Variants in NDST2 observed in about 807,000 individuals in gnomAD.
The protein encoded by NDST2 is bifunctional heparan sulfate N-deacetylase/N-sulfotransferase 2.
NDST2 carries 32 observed loss-of-function variants against 86.9 expected under a neutral mutation model. That is an observed-to-expected ratio of 0.37 (90% confidence interval 0.28 to 0.49). The LOEUF (loss-of-function observed/expected upper bound fraction) is 0.49. Among genes scored for constraint, NDST2 ranks in the 20% least tolerant of loss-of-function variants. The probability of loss-of-function intolerance (pLI) is 0.97; values close to 1 mark genes in which losing one functional copy is unlikely to be tolerated. For missense variants in NDST2, 950 were observed against 1,146.9 expected (o/e 0.83, Z 2.48); for synonymous variants, 409 against 437.0 (o/e 0.94, Z 0.80).
In NDST2 at chr10:73,802,450, A is replaced by G; in HGVS notation, c.*1T>C. ...TTTTGCTGGTATGGGAGGCTGGGAC[A>G]TCAGCCCAGACTGGAATGCTGCAGT... On this transcript the variant is annotated 3_prime_UTR_variant, in exon 15 of 15. Coordinates refer to ENST00000309979, the MANE Select transcript of NDST2 (RefSeq NM_003635.4). 1 of 1,612,598 alleles carries G rather than the reference A, an allele frequency of 6.2e-7. No homozygotes were observed. Among genetic ancestry groups the G allele is most frequent in the Non-Finnish European group, 8.5e-7 (1 of 1,180,022 alleles).
In NDST2 at chr10:73,802,351, G is replaced by A; in HGVS notation, c.*100C>T. 7.4e-7 allele frequency: 1 copy of A among 1,355,290 alleles called. No homozygotes were observed. Among genetic ancestry groups the A allele is most frequent in the Non-Finnish European group, 1.0e-6 (1 of 975,622 alleles). The allele number at this position is 1,355,290 out of a possible 1,614,324, so 84.0% of individuals were successfully genotyped here. ...AGGCCTGGGGGCTACTGAGGTAGAG[G>A]GGGAGGGGCCAGGCCACTCTAATCC... On this transcript the variant is annotated 3_prime_UTR_variant, in exon 15 of 15. Transcript: ENST00000309979.
chr10:73,803,842 G>C (rs74666201), intron 10 of NDST2, 51 bp downstream of exon 10: 38,837 of 1,613,870 alleles, frequency 0.024, 1,266 homozygotes, highest in Admixed American at 0.16. Flanking sequence ...GGGGTATTTT[G>C]GGGGAAGGGA....
In NDST2 at chr10:73,806,162, AC is replaced by A; in HGVS notation, c.1434+126del. On this transcript the variant is annotated intron_variant, in intron 6 of 14. Coordinates refer to ENST00000309979, the MANE Select transcript of NDST2 (RefSeq NM_003635.4). The surrounding 1 kb of genome is among the most constrained non-coding windows in gnomAD (Gnocchi z 4.5). ...TTACTGAGGGTGTTAAAATTTTTTC[AC>A]CTTTCTACCCCCAATTATGTACCCC... 1 of 1,526,644 alleles carries A rather than the reference AC, an allele frequency of 6.6e-7. No homozygotes were observed. The allele number at this position is 1,526,644 out of a possible 1,614,324, so 94.6% of individuals were successfully genotyped here. A position where few individuals can be genotyped will look rare whatever the true frequency, so the allele number is the denominator to read the frequency against.
In NDST2 at chr10:73,803,999, A is replaced by C; in HGVS notation, c.1861T>G (p.Phe621Val). Residue 621 changes from phenylalanine to valine, a missense_variant, in exon 10 of 15, where the codon TTC (phenylalanine) becomes GTC (valine). Phe to Val is a conservative substitution (Grantham distance 50). Transcript: ENST00000309979. ...ACAGCTGGGTGCAGGCTCAGGAAGA[A>C]GTGAATAGCTGTAGTCCCTAAATGG... Reference protein sequence around the residue: ...PQKTGTTAIHFFLSLHPAVTS... With the variant: ...PQKTGTTAIHVFLSLHPAVTS... 2 of 1,613,746 alleles carry C rather than the reference A, an allele frequency of 1.2e-6. No individual in the cohort carries two copies. The highest frequency in any genetic ancestry group is 8.5e-7 in the Non-Finnish European group (1 of 1,179,804).
chr10:73,807,642 C>G lies in NDST2; in HGVS notation c.747G>C (p.Glu249Asp), dbSNP rs760490206. ...GAAGAACTGGTCCTGGCACTGCGGG[C>G]TCAGCTGGCCGAAGGCTGGCAAGAA... ...PVLLASLRPA[E>D]PAVPGPVLRR... The change falls in exon 3 of 15, where the codon GAG becomes GAC. Residue 249 changes from glutamate (E) to aspartate (D), a missense_variant. Glu to Asp is a conservative substitution (Grantham distance 45, BLOSUM62 2). Coordinates refer to ENST00000309979, the MANE Select transcript of NDST2 (RefSeq NM_003635.4). 1.2e-6 allele frequency: 2 copies of G among 1,614,200 alleles called. No individual in the cohort carries two copies. Among genetic ancestry groups the G allele is most frequent in the Admixed American group, 1.7e-5 (1 of 60,028 alleles).
chr10:73,803,953 G>A lies in NDST2; in HGVS notation c.1907C>T (p.Pro636Leu). 1.9e-6 allele frequency: 3 copies of A among 1,614,108 alleles called. No homozygotes were observed. Among genetic ancestry groups the A allele is most frequent in the Non-Finnish European group, 2.5e-6 (3 of 1,180,022 alleles). The change falls in exon 10 of 15, where the codon CCC (proline) becomes CTC (leucine). Residue 636 changes from proline to leucine, a missense_variant. Physicochemically the swap from Pro to Leu is moderately conservative, Grantham distance 98 (BLOSUM62 -3). Transcript: ENST00000309979. ...GAACTGAATCTCCTCAAATGTGCTG[G>A]GGCTAGGGAAGCTGCTAGTTACAGC... is the stretch of plus-strand genomic sequence containing the variant. ...HPAVTSSFPSPSTFEEIQFFN... is the reference protein window; with the variant it reads ...HPAVTSSFPSLSTFEEIQFFN...
intron 8 of NDST2, among the ~76,000 whole-genome samples, 158 bp downstream of exon 8, chr10:73,805,429 G>C (rs978428615): frequency 2.6e-5 from 4 of 151,968 alleles, no homozygotes; most frequent in African/African-American, 9.7e-5. Flanking sequence ...CAGGAGAATC[G>C]CTTGAACCTG....
chr10:73,803,870 A>T (rs781735068), intron 10 of NDST2, 23 bp downstream of exon 10: 1 of 1,614,158 alleles, frequency 6.2e-7, no homozygotes, highest in South Asian at 1.1e-5. Context: ...TCTGAGAAAC[A>T]TTCAAATGGG....
At position 73,803,286 on chromosome 10, in the gene NDST2, G is replaced by A; in HGVS notation, c.2216C>T (p.Thr739Ile). The change falls in exon 12 of 15, where the codon ACC becomes ATC. Residue 739 changes from threonine (T) to isoleucine (I), a missense_variant. Transcript: ENST00000309979. ...FYQVISASSQ[T>I]PLALRSLQNR... ...CTGCAGGGAGCGTAGTGCCAGAGGGGTCTGGGAGGAGGCTGAAATCACCTG... is the reference window on the plus strand; with the variant it reads ...CTGCAGGGAGCGTAGTGCCAGAGGGATCTGGGAGGAGGCTGAAATCACCTG... 6.2e-7 allele frequency: 1 copy of A among 1,614,194 alleles called. No homozygotes were observed. Among genetic ancestry groups the A allele is most frequent in the Non-Finnish European group, 8.5e-7 (1 of 1,180,004 alleles).
At chr10:73,803,536 C>A in intron 11 of NDST2, 38 bp downstream of exon 11, 1 of 1,260,978 alleles carries the variant, frequency 7.9e-7, no homozygotes. Flanking sequence ...CCCCCTCCCC[C>A]CAACCTTTAG....
rs779405819 is a variant in NDST2 at position 73,803,091 on chromosome 10, C to T, written c.2314-10G>A. The T allele has an allele frequency of 2.5e-6, 4 of 1,614,154 alleles. No homozygotes were observed. The highest frequency in any genetic ancestry group is 4.5e-5 in the East Asian group (2 of 44,888). On this transcript the variant is annotated splice_polypyrimidine_tract_variant and intron_variant, in intron 12 of 14. Coordinates refer to ENST00000309979, the MANE Select transcript of NDST2 (RefSeq NM_003635.4). Reference sequence around the variant, plus strand: ...CATCCACAATCAGCAACTAAAAGGACAGGGATGTGGTTCCCTCTATATTCC... The same window carrying T: ...CATCCACAATCAGCAACTAAAAGGATAGGGATGTGGTTCCCTCTATATTCC...
intron 9 of NDST2, 84 bp from the exon 10 acceptor site, chr10:73,804,100 AAAT>A: frequency 6.6e-7 from 1 of 1,522,302 alleles, no homozygotes; most frequent in Non-Finnish European, 8.9e-7. Context: ...GGAAGTGAAA[AAAT>A]AACCACTCTG....
Position 73,803,875 on chromosome 10 carries a change from A to G in NDST2, c.1967+18T>C, listed in dbSNP as rs748615914. The G allele has an allele frequency of 3.7e-6, 6 of 1,614,096 alleles. No homozygotes were observed. The South Asian group carries it at 5.5e-5, about 15-fold the overall frequency. ...GGAGTGTTCCTCTGAGAAACATTCA[A>G]ATGGGGCCCAGTCTCACCAGTCAAT... On this transcript the variant is annotated intron_variant, in intron 10 of 14. Coordinates refer to ENST00000309979, the MANE Select transcript of NDST2 (RefSeq NM_003635.4).
intron 3 of NDST2, 43 bp downstream of exon 3, chr10:73,807,341 T>C (rs1387976846): frequency 6.2e-7 from 1 of 1,605,642 alleles, no homozygotes; most frequent in South Asian, 1.1e-5. Flanking sequence ...CAGGCCAGAG[T>C]GTGAATAGCT....
intron 14 of NDST2, 25 bp from the exon 15 acceptor site, chr10:73,802,601 A>G (rs2084008692): frequency 6.2e-7 from 1 of 1,614,230 alleles, no homozygotes; most frequent in Non-Finnish European, 8.5e-7. Context: ...TGAAGGCAGA[A>G]ATGGTAAGAA....
Position 73,808,642 on chromosome 10 carries a change from A to T in NDST2, c.-254T>A. 1 of 436,126 alleles carries T rather than the reference A, an allele frequency of 2.3e-6. No homozygotes were observed. Among genetic ancestry groups the T allele is most frequent in the South Asian group, 4.8e-5 (1 of 20,814 alleles). 27.0% of individuals were successfully genotyped at this position (436,126 alleles called of 1,614,324 possible). On this transcript the variant is annotated 5_prime_UTR_variant, in exon 3 of 15. Transcript: ENST00000309979. The surrounding 1 kb of genome is among the most constrained non-coding windows in gnomAD (Gnocchi z 4.3). ...CCATGGCCCCCTGGCCCATGGCTTCAGGCTGCAAATCTTGCCAGGCTCTCC... is the reference window on the plus strand; with the variant it reads ...CCATGGCCCCCTGGCCCATGGCTTCTGGCTGCAAATCTTGCCAGGCTCTCC...
In NDST2 at chr10:73,807,250, A is replaced by C. The variant is rs981217910; in HGVS notation, c.1006-55T>G. 89 of 1,565,836 alleles carry C rather than the reference A, an allele frequency of 5.7e-5. No homozygotes were observed. The African/African-American group carries it at 1.0e-3, about 18-fold the overall frequency. On this transcript the variant is annotated intron_variant, in intron 3 of 14. Transcript: ENST00000309979. ...CAGGAGAGCAGACTGAACAGGAAATACATGAGAAGTAGCATTCTTCCTGCC... is the reference window on the plus strand; with the variant it reads ...CAGGAGAGCAGACTGAACAGGAAATCCATGAGAAGTAGCATTCTTCCTGCC...
chr10:73,805,136 G>A, intron 8 of NDST2, among the ~76,000 whole-genome samples: 1 of 151,824 alleles, frequency 6.6e-6, no homozygotes, highest in East Asian at 2.0e-4. Context: ...CCTGACCTCA[G>A]GTGATCTGCC....
intron 14 of NDST2, 36 bp downstream of exon 14, chr10:73,802,638 G>T (rs1290448551): frequency 6.2e-7 from 1 of 1,613,992 alleles, no homozygotes; most frequent in Non-Finnish European, 8.5e-7. Context: ...GATCCTGGAA[G>T]TGGAGAGGGA....
Sources: allele counts gnomAD v4.1 joint callset (sites outside exome capture counted in the v4.1 genomes callset), GRCh38; gene constraint gnomAD v4.1.1; non-coding constraint Gnocchi (gnomAD v3.1); transcripts MANE v1.5; gene names NCBI Gene and HGNC (gene_info 2026-07-23, HGNC 2026-07-21).